HS3ST3B1: variants seen among roughly 807,000 people sequenced by gnomAD.
The protein encoded by HS3ST3B1 is heparan sulfate glucosamine 3-O-sulfotransferase 3B1.
HS3ST3B1 carries 13 observed loss-of-function variants against 21.3 expected under a neutral mutation model. The observed-to-expected ratio is 0.61, with a 90% CI of 0.40 to 0.97. The LOEUF is 0.97. Among genes scored for constraint, HS3ST3B1 ranks in the 50% least tolerant of loss-of-function variants. The probability of loss-of-function intolerance (pLI) is 0.00; values close to 1 mark genes in which losing one functional copy is unlikely to be tolerated. For missense variants in HS3ST3B1, 459 were observed against 554.8 expected (o/e 0.83, Z 1.73); for synonymous variants, 234 against 254.8 (o/e 0.92, Z 0.78).
rs1399335983 is a variant in HS3ST3B1, at chr17:14,346,052, G to A, written c.*406G>A. ...CTGTCTCTTCCTGCCTGTGTACCTC[G>A]TAGGAACGCTGAGCTGCCTCAACAG... On this transcript the variant is annotated 3_prime_UTR_variant, in exon 2 of 2. Transcript: ENST00000360954. 5.4e-6 allele frequency: 1 copy of A among 186,004 alleles called. No homozygotes were observed. Among genetic ancestry groups the A allele is most frequent in the Non-Finnish European group, 1.1e-5 (1 of 89,378 alleles). 11.5% of individuals were successfully genotyped at this position (186,004 alleles called of 1,614,324 possible).
intron 1 of HS3ST3B1, among the ~76,000 whole-genome samples, chr17:14,306,908 C>T (rs1597585934): frequency 1.3e-5 from 2 of 152,094 alleles, no homozygotes; most frequent in East Asian, 3.9e-4. Context: ...GATTTATTAG[C>T]AAGACAGTGG....
intron 1 of HS3ST3B1, among the ~76,000 whole-genome samples, chr17:14,324,551 A>G (rs930114117): frequency 6.6e-6 from 1 of 151,982 alleles, no homozygotes; most frequent in South Asian, 2.1e-4. Flanking sequence ...CTTCTTTTAC[A>G]TCCCCACTGT....
At chr17:14,329,316 A>AGAAAGAAG (rs1909909755) in intron 1 of HS3ST3B1, 2 of 35,282 alleles carry the variant, frequency 5.7e-5, no homozygotes, top group East Asian at 1.6e-3. Flanking sequence ...AGAGAAAGAG[A>AGAAAGAAG]GAAAGAAAGA....
chr17:14,330,256 C>T (rs151220839), intron 1 of HS3ST3B1, among the ~76,000 whole-genome samples: 1 of 152,294 alleles, frequency 6.6e-6, no homozygotes, highest in African/African-American at 2.4e-5. Flanking sequence ...TACTTAATGT[C>T]TGCCAGCTTG....
chr17:14,307,472 A>G (rs898623304), intron 1 of HS3ST3B1, among the ~76,000 whole-genome samples: 1 of 151,950 alleles, frequency 6.6e-6, no homozygotes, highest in Non-Finnish European at 1.5e-5. Context: ...GTCATTCCAC[A>G]TATGTATGCT....
At chr17:14,323,540 CT>C (rs1157522219) in intron 1 of HS3ST3B1, among the ~76,000 whole-genome samples, 1 of 151,854 alleles carries the variant, frequency 6.6e-6, no homozygotes, top group East Asian at 1.9e-4. Context: ...TATATCCCCA[CT>C]TTTGGTTTGC....
chr17:14,317,603 T>A (rs2142332940), intron 1 of HS3ST3B1, among the ~76,000 whole-genome samples: 1 of 152,160 alleles, frequency 6.6e-6, no homozygotes, highest in East Asian at 1.9e-4. Context: ...ATCAGAATAT[T>A]CAGGGCTGGG....
At chr17:14,330,385 A>G (rs549642287) in intron 1 of HS3ST3B1, among the ~76,000 whole-genome samples, 1 of 152,194 alleles carries the variant, frequency 6.6e-6, no homozygotes, top group East Asian at 1.9e-4. Flanking sequence ...TAATTTTTAC[A>G]CGCGGAGAAC....
intron 1 of HS3ST3B1, among the ~76,000 whole-genome samples, chr17:14,318,558 A>G (rs1274328970): frequency 6.6e-6 from 1 of 152,184 alleles, no homozygotes; most frequent in Non-Finnish European, 1.5e-5. Context: ...AGCATATAAA[A>G]GTAACTGCAG....
chr17:14,313,146 T>TACA (rs1909384357), intron 1 of HS3ST3B1, among the ~76,000 whole-genome samples: 4 of 92,902 alleles, frequency 4.3e-5, no homozygotes, highest in African/African-American at 8.3e-5. Flanking sequence ...ATATATATAT[T>TACA]TTTAGTAGAG....
chr17:14,341,359 C>G (rs1407305124), intron 1 of HS3ST3B1, among the ~76,000 whole-genome samples: 1 of 152,156 alleles, frequency 6.6e-6, no homozygotes, highest in African/African-American at 2.4e-5. Context: ...TGGGGTAGAA[C>G]TGAATGAGTG....
chr17:14,341,593 C>T, intron 1 of HS3ST3B1, among the ~76,000 whole-genome samples: 1 of 151,746 alleles, frequency 6.6e-6, no homozygotes, highest in Non-Finnish European at 1.5e-5. Context: ...TGATGTGTTC[C>T]CCAGGTTCAC....
intron 1 of HS3ST3B1, among the ~76,000 whole-genome samples, chr17:14,306,715 G>A (rs1360716450): frequency 1.3e-5 from 2 of 152,148 alleles, no homozygotes; most frequent in African/African-American, 4.8e-5. Flanking sequence ...TCTTCACTGA[G>A]GGAAATTTAA....
chr17:14,327,444 G>A (rs1219560150), intron 1 of HS3ST3B1: 1 of 152,158 alleles, frequency 6.6e-6, no homozygotes, highest in Admixed American at 6.5e-5. Context: ...GTAAAATAAG[G>A]AACTCTGATC....
intron 1 of HS3ST3B1, among the ~76,000 whole-genome samples, chr17:14,302,837 C>T (rs1001265020): frequency 1.3e-5 from 2 of 152,220 alleles, no homozygotes; most frequent in Non-Finnish European, 2.9e-5. Context: ...TCCCTGCCCT[C>T]GGTGCTGGGA....
intron 1 of HS3ST3B1, among the ~76,000 whole-genome samples, chr17:14,314,273 C>T (rs1379563430): frequency 6.6e-6 from 1 of 152,236 alleles, no homozygotes; most frequent in Admixed American, 6.5e-5. Flanking sequence ...GCCACCCTGC[C>T]TGGCCTGGGT....
chr17:14,315,265 C>T (rs1409603302), intron 1 of HS3ST3B1, among the ~76,000 whole-genome samples: 1 of 152,160 alleles, frequency 6.6e-6, no homozygotes, highest in African/African-American at 2.4e-5. Context: ...CGTTTTCCCC[C>T]AATGCACTGT....
At chr17:14,337,284 GGT>G (rs754241393) in intron 1 of HS3ST3B1, among the ~76,000 whole-genome samples, 6 of 149,924 alleles carry the variant, frequency 4.0e-5, no homozygotes, top group South Asian at 2.1e-4. Flanking sequence ...CTCTCAGAGG[GGT>G]GTGTGTGTGT....
Position 14,334,831 on chromosome 17 carries a change from C to A in HS3ST3B1, c.555-10197C>A, listed in dbSNP as rs560945151. On this transcript the variant is annotated intron_variant, in intron 1 of 1. Transcript: ENST00000360954. ...AGTGTTTTCTTTTTGAGTTTAGCTG[C>A]TGATGTTTGTCGGTTTATCAGGCAC... Among the ~76,000 whole-genome samples, 4 of 152,234 alleles carry A rather than the reference C, an allele frequency of 2.6e-5. No individual in the cohort carries two copies. In the South Asian group the frequency reaches 8.3e-4, roughly 32 times the overall value.
Sources: allele counts gnomAD v4.1 joint callset (sites outside exome capture counted in the v4.1 genomes callset), GRCh38; gene constraint gnomAD v4.1.1; transcripts MANE v1.5; gene names NCBI Gene and HGNC (gene_info 2026-07-23, HGNC 2026-07-21).